The following ITGAV variants were observed in gnomAD, a reference collection of about 807,000 sequenced individuals.
ITGAV encodes integrin alpha-V.
A neutral mutation model predicts 143.8 loss-of-function variants in ITGAV; 76 were observed. That is an observed-to-expected ratio of 0.53 (90% CI 0.44 to 0.64). The LOEUF is 0.64. Among genes scored for constraint, ITGAV ranks in the 30% least tolerant of loss-of-function variants. ITGAV has a pLI of 0.00. For missense variants in ITGAV, 1,193 were observed against 1,274.7 expected, an observed-to-expected ratio of 0.94 and a Z score of 0.98; for synonymous variants, 453 against 446.7, an observed-to-expected ratio of 1.01 and a Z score of -0.18.
chr2:186,668,965 GCCTTCTTTC>G, intron 25 of ITGAV, 45 bp downstream of exon 25: 1 of 1,449,602 alleles, frequency 6.9e-7, no homozygotes, highest in Non-Finnish European at 9.4e-7. Flanking sequence ...ATATTTCATT[GCCTTCTTTC>G]TAAACCTGTA....
intron 2 of ITGAV, among the ~76,000 whole-genome samples, chr2:186,619,475 T>C (rs1687463465): frequency 6.6e-6 from 1 of 152,138 alleles, no homozygotes; most frequent in African/African-American, 2.4e-5. Context: ...TAAGTTCTAG[T>C]GTTTTCTACC....
chr2:186,599,591 C>T (rs1574458898), intron 1 of ITGAV, among the ~76,000 whole-genome samples: 1 of 152,194 alleles, frequency 6.6e-6, no homozygotes, highest in East Asian at 1.9e-4. Context: ...ACCTCCTGGG[C>T]TCAAGCCATC....
chr2:186,652,760 A>T (rs1221527765), intron 15 of ITGAV, among the ~76,000 whole-genome samples: 1 of 152,046 alleles, frequency 6.6e-6, no homozygotes, highest in African/African-American at 2.4e-5. Context: ...TATGAAAAAA[A>T]TTATTTTGCT....
chr2:186,641,040 T>C, intron 11 of ITGAV, 73 bp downstream of exon 11: 1 of 1,158,510 alleles, frequency 8.6e-7, no homozygotes, highest in South Asian at 1.4e-5. Flanking sequence ...AACTAAACAT[T>C]TTTTTCTTCT....
chr2:186,623,739 C>A (rs1415049884), intron 3 of ITGAV, among the ~76,000 whole-genome samples: 4 of 152,138 alleles, frequency 2.6e-5, no homozygotes, highest in African/African-American at 9.7e-5. Context: ...ATATATATTT[C>A]CCAATTTTTT....
In ITGAV at chr2:186,637,087, T is replaced by C; in HGVS notation, c.780T>C (p.Asp260=). 3 of 1,613,488 alleles carry C rather than the reference T, an allele frequency of 1.9e-6. No individual in the cohort carries two copies. Among genetic ancestry groups the C allele is most frequent in the Non-Finnish European group, 2.5e-6 (3 of 1,179,458 alleles). Residue 260 remains aspartate (D), a synonymous_variant, in exon 8 of 30, where the codon GAT becomes GAC. Transcript: ENST00000261023. ...SYLGYSVAVG[D]FNGDGIDDFV... is the part of the protein sequence containing the mutation. The stretch of plus-strand genomic sequence containing the variant: ...TAGGTTATTCTGTGGCTGTCGGAGA[T>C]TTCAATGGTGATGGCATAGATGGTA...
chr2:186,658,425 A>G (rs1688648059), intron 17 of ITGAV, among the ~76,000 whole-genome samples: 1 of 152,264 alleles, frequency 6.6e-6, no homozygotes, highest in African/African-American at 2.4e-5. Context: ...AAGACTGGAA[A>G]ATAATGTGGT....
intron 8 of ITGAV, among the ~76,000 whole-genome samples, chr2:186,637,481 CAAAAAAAA>C (rs5836991): frequency 9.4e-6 from 1 of 105,842 alleles, no homozygotes; most frequent in Non-Finnish European, 2.0e-5. Context: ...GACCCTGTCT[CAAAAAAAA>C]AAAAAAAAAA....
At chr2:186,613,609 G>A (rs1687277018) in intron 2 of ITGAV, among the ~76,000 whole-genome samples, 1 of 152,008 alleles carries the variant, frequency 6.6e-6, no homozygotes, top group Admixed American at 6.6e-5. Context: ...AAATACTTTG[G>A]ATTTAGGGAA....
Position 186,677,487 on chromosome 2 carries a change from AG to A in ITGAV, c.*198del, listed in dbSNP as rs1401214147. The A allele has an allele frequency of 9.8e-6, 5 of 509,560 alleles. No homozygotes were observed. Among genetic ancestry groups the A allele is most frequent in the African/African-American group, 1.9e-5 (1 of 52,120 alleles). The allele number at this position is 509,560 out of a possible 1,614,324, so 31.6% of individuals were successfully genotyped here. A position where few individuals can be genotyped will look rare whatever the true frequency, so the allele number is the denominator to read the frequency against. On this transcript the variant is annotated 3_prime_UTR_variant, in exon 30 of 30. Coordinates refer to ENST00000261023, the MANE Select transcript of ITGAV (RefSeq NM_002210.5). Reference sequence around the variant, plus strand: ...AGTTCAGACATACATTTAATAACATAGGGTGACTTGTGTTTTTAGGTATTTA... The same window carrying A: ...AGTTCAGACATACATTTAATAACATAGGTGACTTGTGTTTTTAGGTATTTA...
intron 10 of ITGAV, among the ~76,000 whole-genome samples, chr2:186,638,821 G>T (rs113988373): frequency 8.0e-5 from 12 of 150,942 alleles, no homozygotes; most frequent in African/African-American, 2.9e-4. Context: ...CAATATTCTA[G>T]ATATAAGATG....
intron 14 of ITGAV, among the ~76,000 whole-genome samples, chr2:186,651,001 G>A (rs964725147): frequency 1.3e-5 from 2 of 152,160 alleles, no homozygotes; most frequent in African/African-American, 4.8e-5. Flanking sequence ...AGTATGTAAT[G>A]AAACCCCAAA....
chr2:186,622,961 G>A (rs971215094), intron 3 of ITGAV, among the ~76,000 whole-genome samples: 3 of 152,028 alleles, frequency 2.0e-5, no homozygotes, highest in Admixed American at 6.5e-5. Flanking sequence ...ACAGGGTTTC[G>A]CCATGTTGGC....
intron 19 of ITGAV, 77 bp from the exon 20 acceptor site, chr2:186,664,416 CT>C: frequency 7.3e-7 from 1 of 1,366,666 alleles, no homozygotes; most frequent in South Asian, 1.3e-5. Flanking sequence ...GTGTATTTAT[CT>C]CTTCTTTCTT....
At position 186,670,570 on chromosome 2, in the gene ITGAV, G is replaced by T. The variant is rs1689037485; in HGVS notation, c.2706+756G>T. 5.9e-5 allele frequency among the ~76,000 whole-genome samples: 9 copies of T among 152,110 alleles called. No homozygotes were observed. The South Asian group carries it at 1.0e-3, about 18-fold the overall frequency. ...CCCACCTCAGCCTCCTAAAGTGCTG[G>T]GATGACAGGCATGAACCACCATGCC... On this transcript the variant is annotated intron_variant, in intron 26 of 29. Transcript: ENST00000261023.
At position 186,633,385 on chromosome 2, in the gene ITGAV, ATT is replaced by A; in HGVS notation, c.631+16_631+17del. ...GCTTTTATTGGCAAGGTAGGTTAAT[ATT>A]TTTTAAATTACAATTGGTGACTATG... On this transcript the variant is annotated intron_variant, in intron 6 of 29. Coordinates refer to ENST00000261023, the MANE Select transcript of ITGAV (RefSeq NM_002210.5). 6.5e-7 allele frequency: 1 copy of A among 1,527,826 alleles called. No homozygotes were observed. Among genetic ancestry groups the A allele is most frequent in the Non-Finnish European group, 9.0e-7 (1 of 1,110,438 alleles). The allele number at this position is 1,527,826 out of a possible 1,614,324, so 94.6% of individuals were successfully genotyped here. A position where few individuals can be genotyped will look rare whatever the true frequency, so the allele number is the denominator to read the frequency against.
rs768300887 is a variant in ITGAV at position 186,663,796 on chromosome 2, A to G, written c.1886A>G (p.Asp629Gly). ...CACATTCTACTTGACTGTGGTGAAG[A>G]CAATGTCTGTAAACCCAAGCTGGAA... The part of the protein sequence containing the change: ...QAHILLDCGE[D>G]NVCKPKLEVS... Residue 629 changes from aspartate (D) to glycine (G), a missense_variant, in exon 19 of 30, where the codon GAC becomes GGC. Asp to Gly is a moderately conservative substitution (Grantham distance 94, BLOSUM62 -1). Transcript: ENST00000261023. 1 of 1,613,136 alleles carries G rather than the reference A, an allele frequency of 6.2e-7. No homozygotes were observed. The highest frequency in any genetic ancestry group is 8.5e-7 in the Non-Finnish European group (1 of 1,179,318).
At chr2:186,665,299 A>G in intron 21 of ITGAV, 81 bp downstream of exon 21, 1 of 862,168 alleles carries the variant, frequency 1.2e-6, no homozygotes, top group Non-Finnish European at 1.9e-6. Flanking sequence ...GTAATTTTTA[A>G]AAATAAACAC....
intron 4 of ITGAV, among the ~76,000 whole-genome samples, chr2:186,627,483 C>G (rs1040942066): frequency 1.3e-5 from 2 of 152,178 alleles, no homozygotes; most frequent in Non-Finnish European, 2.9e-5. Flanking sequence ...ACATGGAACT[C>G]TCCTGAAAAC....
Sources: allele counts gnomAD v4.1 joint callset (sites outside exome capture counted in the v4.1 genomes callset), GRCh38; gene constraint gnomAD v4.1.1; transcripts MANE v1.5; gene names NCBI Gene and HGNC (gene_info 2026-07-23, HGNC 2026-07-21).